Variants in SLC17A1 observed in about 807,000 individuals in gnomAD.
The protein encoded by SLC17A1 is solute carrier family 17 member 1, also known as sodium-dependent phosphate transport protein 1.
SLC17A1 carries 51 observed loss-of-function variants against 53.5 expected under a neutral mutation model. That is an observed-to-expected ratio of 0.95 (90% CI 0.76 to 1.20). The LOEUF (loss-of-function observed/expected upper bound fraction) is 1.20, where lower values mean the gene tolerates loss of function less well. SLC17A1 is among the 50% of genes most tolerant of loss of function. The pLI, the probability that SLC17A1 is intolerant of heterozygous loss-of-function variation, is 0.00. For missense variants in SLC17A1, 538 were observed against 568.2 expected, an observed-to-expected ratio of 0.95 and a Z score of 0.54; for synonymous variants, 179 against 198.8, an observed-to-expected ratio of 0.90 and a Z score of 0.84.
At chr6:25,727,143 G>C in the SLC17A1 span, 2 of 1,614,160 alleles carry the variant, frequency 1.2e-6, no homozygotes, top group Non-Finnish European at 1.7e-6. Flanking sequence ...AGCGAGCGAG[G>C]CATCACGTTT....
the SLC17A1 span, chr6:25,727,383 G>C: frequency 2.0e-6 from 2 of 1,016,678 alleles, no homozygotes; most frequent in African/African-American, 3.3e-5. Context: ...TTTTTGTGTA[G>C]TTTCTAACCG....
rs77295058 is a variant in SLC17A1 at position 25,794,694 on chromosome 6, C to T, written c.*2+4089G>A. Among the ~76,000 whole-genome samples the T allele has an allele frequency of 7.2e-5, 11 of 152,242 alleles. No individual in the cohort carries two copies. In the East Asian group the frequency reaches 1.4e-3, roughly 19 times the overall value. On this transcript the variant is annotated intron_variant, in intron 12 of 12. Coordinates refer to ENST00000244527, the MANE Select transcript of SLC17A1 (RefSeq NM_005074.5). ...CAGCTGTCTACTAAACTCATGAACC[C>T]GGTACATTCGAAGGGAAGAGAGGTG...
At chr6:25,820,046 A>G in intron 3 of SLC17A1, 131 bp from the exon 4 acceptor site, 3 of 607,002 alleles carry the variant, frequency 4.9e-6, no homozygotes, top group South Asian at 2.1e-5. Flanking sequence ...ATTCTTTATC[A>G]CAGGACCTTC....
At chr6:25,794,298 C>A (rs2151477352) in intron 12 of SLC17A1, among the ~76,000 whole-genome samples, 1 of 152,310 alleles carries the variant, frequency 6.6e-6, no homozygotes, top group South Asian at 2.1e-4. Context: ...CTATAAATTT[C>A]TCTTCAGAGA....
At chr6:25,727,037 C>G in the SLC17A1 span, 1 of 1,614,078 alleles carries the variant, frequency 6.2e-7, no homozygotes, top group South Asian at 1.1e-5. Flanking sequence ...CTATTTACAT[C>G]TACAAAGTGC....
At chr6:25,727,210 G>A in the SLC17A1 span, 1 of 1,613,996 alleles carries the variant, frequency 6.2e-7, no homozygotes, top group Non-Finnish European at 8.5e-7. Context: ...ACAGCAGTGC[G>A]CTTGCTACTG....
the SLC17A1 span, among the ~76,000 whole-genome samples, chr6:25,764,252 A>G: frequency 6.6e-6 from 1 of 152,166 alleles, no homozygotes; most frequent in Non-Finnish European, 1.5e-5. Context: ...TAGCTTCCAG[A>G]TATTTGTCCC....
intron 3 of SLC17A1, among the ~76,000 whole-genome samples, chr6:25,820,199 G>A (rs1400135257): frequency 6.6e-6 from 1 of 152,166 alleles, no homozygotes; most frequent in African/African-American, 2.4e-5. Flanking sequence ...TTTCTTGAAT[G>A]TTGCTAAACT....
the SLC17A1 span, chr6:25,726,497 C>T: frequency 7.4e-5 from 119 of 1,611,592 alleles, no homozygotes; most frequent in African/African-American, 1.3e-3. Context: ...TTGGCGCGTG[C>T]TTTTCCTCCC....
At chr6:25,762,147 T>C in the SLC17A1 span, 1 of 1,058,516 alleles carries the variant, frequency 9.4e-7, no homozygotes, top group South Asian at 1.6e-5. Flanking sequence ...CTGTGGCATC[T>C]TTTGTTGATA....
intron 10 of SLC17A1, among the ~76,000 whole-genome samples, chr6:25,810,053 G>C (rs1469663019): frequency 6.6e-6 from 1 of 151,908 alleles, no homozygotes; most frequent in African/African-American, 2.4e-5. Context: ...GGGACAACTG[G>C]GTATCCACAT....
the SLC17A1 span, chr6:25,769,125 A>T: frequency 1.9e-6 from 3 of 1,614,064 alleles, no homozygotes; most frequent in Non-Finnish European, 2.5e-6. Context: ...CAATGCTTCC[A>T]CAGAACGGCC....
chr6:25,825,319 G>GGACAAAAATTGAAA (rs61078903), intron 3 of SLC17A1, among the ~76,000 whole-genome samples: 38,187 of 150,844 alleles, frequency 0.25, 5,045 homozygotes, highest in African/African-American at 0.33. Context: ...GAAAATTGAA[G>GGACAAAAATTGAAA]GACAAAAATT....
At chr6:25,754,344 C>T in the SLC17A1 span, among the ~76,000 whole-genome samples, 2 of 152,162 alleles carry the variant, frequency 1.3e-5, no homozygotes, top group Non-Finnish European at 2.9e-5. Context: ...TAAGTCTCTC[C>T]TCTTTGGAAA....
At chr6:25,758,530 T>C in the SLC17A1 span, among the ~76,000 whole-genome samples, 54 of 152,320 alleles carry the variant, frequency 3.5e-4, no homozygotes, top group South Asian at 0.01. Context: ...GGGTTTTATA[T>C]TTCCAGGAAT....
the SLC17A1 span, among the ~76,000 whole-genome samples, chr6:25,729,113 A>G: frequency 4.6e-3 from 695 of 152,334 alleles, 3 homozygotes; most frequent in Non-Finnish European, 7.9e-3. Flanking sequence ...TACCCTGATT[A>G]CCCAAGGACT....
intron 11 of SLC17A1, 138 bp from the exon 12 acceptor site, chr6:25,799,057 AC>A (rs1390729465): frequency 1.5e-6 from 1 of 655,910 alleles, no homozygotes; most frequent in African/African-American, 1.8e-5. Flanking sequence ...ATAGCCGAAA[AC>A]GTCATCATTT....
At chr6:25,754,046 G>A in the SLC17A1 span, among the ~76,000 whole-genome samples, 2 of 152,194 alleles carry the variant, frequency 1.3e-5, no homozygotes, top group African/African-American at 4.8e-5. Context: ...GAAGGAACGA[G>A]TGGTGGAATC....
the SLC17A1 span, among the ~76,000 whole-genome samples, chr6:25,746,590 C>CA: frequency 1.1e-3 from 170 of 150,828 alleles, no homozygotes; most frequent in African/African-American, 2.8e-3. Context: ...CAGAAACCTC[C>CA]AAAAAAAAAT....
Sources: gnomAD v4.1 joint callset for allele counts (sites outside exome capture counted in the v4.1 genomes callset) on GRCh38, gnomAD v4.1.1 for gene constraint, MANE v1.5 for transcripts, NCBI Gene and HGNC (gene_info 2026-07-23, HGNC 2026-07-21) for gene names.